CDH12: variants seen among roughly 807,000 people sequenced by gnomAD.
CDH12 encodes the protein cadherin-12.
A neutral mutation model predicts 74.1 loss-of-function variants in CDH12; 41 were observed. The observed-to-expected ratio is 0.55, with a 90% CI of 0.43 to 0.72. CDH12 has a LOEUF of 0.72. Among genes scored for constraint, CDH12 ranks in the 30% least tolerant of loss-of-function variants. CDH12 has a pLI of 0.00. For missense variants in CDH12, 945 were observed against 977.2 expected (o/e 0.97, Z 0.44); for synonymous variants, 399 against 355.0 (o/e 1.12, Z -1.39).
chr5:21,926,925 G>A (rs775184815), intron 6 of CDH12, among the ~76,000 whole-genome samples: 9 of 152,104 alleles, frequency 5.9e-5, no homozygotes, highest in Non-Finnish European at 1.3e-4. Context: ...AGTTGGTGAA[G>A]GTTTGAGGAA....
chr5:22,622,760 C>A (rs1264715108), intron 1 of CDH12, among the ~76,000 whole-genome samples: 5 of 152,136 alleles, frequency 3.3e-5, no homozygotes, highest in Non-Finnish European at 5.9e-5. Flanking sequence ...GAGTTGGTAC[C>A]ATTCCCTCTG....
chr5:22,691,729 C>T (rs569002049), intron 1 of CDH12, among the ~76,000 whole-genome samples: 1 of 152,268 alleles, frequency 6.6e-6, no homozygotes, highest in African/African-American at 2.4e-5. Context: ...ATCACTTTCC[C>T]TGACTGTAGT....
chr5:22,020,551 T>C lies in CDH12; in HGVS notation c.232-45166A>G, dbSNP rs980411809. Among the ~76,000 whole-genome samples the C allele has an allele frequency of 1.1e-4, 14 of 129,820 alleles. No homozygotes were observed. In the East Asian group the frequency reaches 1.8e-3, roughly 17 times the overall value. 85.2% of individuals were successfully genotyped at this position (129,820 alleles called of 152,430 possible). ...CCTGGGTGACAAGAGTGAGACTTCGTTTCAAAAAAAAAAAAAAAAGAAGTC... is the reference window on the plus strand; with the variant it reads ...CCTGGGTGACAAGAGTGAGACTTCGCTTCAAAAAAAAAAAAAAAAGAAGTC... On this transcript the variant is annotated intron_variant, in intron 5 of 14. Transcript: ENST00000382254.
chr5:21,928,793 A>T (rs781643378), intron 6 of CDH12, among the ~76,000 whole-genome samples: 1 of 152,150 alleles, frequency 6.6e-6, no homozygotes, highest in Non-Finnish European at 1.5e-5. Flanking sequence ...TAATTTTACA[A>T]GTCTTTTGGC....
At chr5:22,237,071 G>A (rs376500321) in intron 3 of CDH12, among the ~76,000 whole-genome samples, 5 of 151,778 alleles carry the variant, frequency 3.3e-5, no homozygotes, top group Non-Finnish European at 5.9e-5. Flanking sequence ...TAAGTATTAC[G>A]TACTGTATAT....
At chr5:22,759,207 AAC>A (rs1180281082) in intron 1 of CDH12, among the ~76,000 whole-genome samples, 8 of 152,014 alleles carry the variant, frequency 5.3e-5, no homozygotes, top group African/African-American at 1.9e-4. Context: ...AGAAAAAAAA[AAC>A]AAAAAAAAAC....
At chr5:21,842,132 A>G in intron 8 of CDH12, 29 bp downstream of exon 8, 1 of 1,571,370 alleles carries the variant, frequency 6.4e-7, no homozygotes, top group South Asian at 1.2e-5. Context: ...AACCGCAATA[A>G]TTTAGGCTTA....
chr5:22,657,104 T>C (rs1561556535), intron 1 of CDH12, among the ~76,000 whole-genome samples: 3 of 152,182 alleles, frequency 2.0e-5, no homozygotes. Context: ...AATTGAACTA[T>C]TTCTAGATGA....
intron 4 of CDH12, among the ~76,000 whole-genome samples, chr5:22,164,304 C>T (rs1371275975): frequency 2.0e-5 from 3 of 152,212 alleles, no homozygotes. Flanking sequence ...CAGAAGAGAA[C>T]TGTGGAACCC....
chr5:22,112,592 G>A (rs755502019), intron 4 of CDH12, among the ~76,000 whole-genome samples: 4 of 151,876 alleles, frequency 2.6e-5, no homozygotes, highest in Admixed American at 6.6e-5. Context: ...TGTCATGGTC[G>A]TTTTTTTTCC....
intron 1 of CDH12, among the ~76,000 whole-genome samples, chr5:22,697,571 C>CAAAAA (rs397997008): frequency 2.9e-5 from 3 of 102,178 alleles, no homozygotes; most frequent in Non-Finnish European, 3.8e-5. Flanking sequence ...GACTCTGTCT[C>CAAAAA]AAAAAAAAAA....
intron 3 of CDH12, among the ~76,000 whole-genome samples, chr5:22,347,166 AAT>A (rs1437945120): frequency 1.3e-5 from 2 of 152,132 alleles, no homozygotes; most frequent in Non-Finnish European, 2.9e-5. Flanking sequence ...AAGGATGCAA[AAT>A]ATTGTTCCTG....
At chr5:22,046,430 CTTTTT>C (rs11323330) in intron 5 of CDH12, among the ~76,000 whole-genome samples, 2 of 100,418 alleles carry the variant, frequency 2.0e-5, no homozygotes, top group African/African-American at 8.5e-5. Context: ...CATTTAATTT[CTTTTT>C]TTTTTTTTTT....
chr5:22,215,207 A>G (rs1751756944), intron 3 of CDH12, among the ~76,000 whole-genome samples: 1 of 152,166 alleles, frequency 6.6e-6, no homozygotes, highest in South Asian at 2.1e-4. Context: ...TAGTCAGTAC[A>G]GAAGAAACCC....
At chr5:22,439,208 A>C (rs535646449) in intron 2 of CDH12, among the ~76,000 whole-genome samples, 81 of 152,106 alleles carry the variant, frequency 5.3e-4, no homozygotes, top group African/African-American at 1.9e-3. Context: ...AAATTAGTAG[A>C]GTTAAAGGCA....
chr5:22,203,125 C>T (rs1475632984), intron 4 of CDH12, among the ~76,000 whole-genome samples: 3 of 152,128 alleles, frequency 2.0e-5, no homozygotes, highest in Non-Finnish European at 4.4e-5. Context: ...AAAATTTTCT[C>T]TTGTAGCTAT....
At chr5:21,939,216 CTA>C (rs893665373) in intron 6 of CDH12, among the ~76,000 whole-genome samples, 63 of 144,372 alleles carry the variant, frequency 4.4e-4, no homozygotes, top group African/African-American at 1.5e-3. Flanking sequence ...ATCATACCTT[CTA>C]TATATATATA....
intron 1 of CDH12, among the ~76,000 whole-genome samples, chr5:22,766,706 G>T (rs1746533779): frequency 1.3e-5 from 2 of 152,016 alleles, no homozygotes; most frequent in Admixed American, 1.3e-4. Flanking sequence ...GATTGCATTT[G>T]TACCGAACAT....
chr5:22,533,757 A>G (rs1737699893), intron 1 of CDH12, among the ~76,000 whole-genome samples: 1 of 152,214 alleles, frequency 6.6e-6, no homozygotes, highest in Non-Finnish European at 1.5e-5. Context: ...GGCTTTAAGG[A>G]TAATTCAGTA....
Sources: gnomAD v4.1 joint callset for allele counts (sites outside exome capture counted in the v4.1 genomes callset) on GRCh38, gnomAD v4.1.1 for gene constraint, MANE v1.5 for transcripts, NCBI Gene and HGNC (gene_info 2026-07-23, HGNC 2026-07-21) for gene names.